The following SIDT2 variants were observed in gnomAD, a reference collection of about 807,000 sequenced individuals.
SIDT2 encodes SID1 transmembrane family, member 2.
In SIDT2, 68 loss-of-function variants were observed where a neutral mutation model predicts 114.4. The ratio of observed to expected loss-of-function variants is 0.59; its 90% CI spans 0.49 to 0.73. The LOEUF is 0.73. Among genes scored for constraint, SIDT2 ranks in the 30% least tolerant of loss-of-function variants. The pLI, the probability that SIDT2 is intolerant of heterozygous loss-of-function variation, is 0.00. For synonymous variants in SIDT2, 470 were observed against 438.4 expected, an observed-to-expected ratio of 1.07 and a Z score of -0.90; for missense variants, 918 against 1,097.1, an observed-to-expected ratio of 0.84 and a Z score of 2.31.
Position 117,192,034 on chromosome 11 carries a change from T to C in SIDT2, c.1872+20T>C. On this transcript the variant is annotated intron_variant, in intron 19 of 25. Coordinates refer to ENST00000324225, the MANE Select transcript of SIDT2 (RefSeq NM_001040455.2). This position sits in a 1 kb window ranked among gnomAD's most constrained non-coding sequence, Gnocchi z 5.9. ...GGCGTGGTGAGGGCCTGACCTGCTC[T>C]GCTCAGCCTGTATGATAGGAAAGGT... 1 of 1,613,834 alleles carries C rather than the reference T, an allele frequency of 6.2e-7. No individual in the cohort carries two copies.
At position 117,179,175 on chromosome 11, in the gene SIDT2, G is replaced by C; in HGVS notation, c.-89G>C. 3 of 1,309,666 alleles carry C rather than the reference G, an allele frequency of 2.3e-6. No homozygotes were observed. The highest frequency in any genetic ancestry group is 2.1e-6 in the Non-Finnish European group (2 of 952,566). 81.1% of individuals were successfully genotyped at this position (1,309,666 alleles called of 1,614,324 possible). On this transcript the variant is annotated 5_prime_UTR_variant, in exon 1 of 26. Coordinates refer to ENST00000324225, the MANE Select transcript of SIDT2 (RefSeq NM_001040455.2). ...TCCTGGTGAGATGCTGGAAGCTGCGGCCGCAGCCGCAACCCGTCCCGGAGG... is the reference window on the plus strand; with the variant it reads ...TCCTGGTGAGATGCTGGAAGCTGCGCCCGCAGCCGCAACCCGTCCCGGAGG...
rs748948210 is a variant in SIDT2 at position 117,195,944 on chromosome 11, G to A, written c.2436+29G>A. 157 of 1,614,116 alleles carry A rather than the reference G, an allele frequency of 9.7e-5. 1 individual carries two copies. The South Asian group carries it at 1.4e-3, about 14-fold the overall frequency. ...AGCGGGCCTCCCGGCCGAGCCGGGT[G>A]GGTACGTGAAGGTAGCAGCTGCCTC... On this transcript the variant is annotated intron_variant, in intron 25 of 25. Coordinates refer to ENST00000324225, the MANE Select transcript of SIDT2 (RefSeq NM_001040455.2).
intron 10 of SIDT2, chr11:117,186,934 C>A: frequency 6.7e-7 from 1 of 1,485,642 alleles, no homozygotes. Flanking sequence ...TTCTCTCTCT[C>A]TTCCACCCCT....
At position 117,190,299 on chromosome 11, in the gene SIDT2, C is replaced by T; in HGVS notation, c.1617+10C>T. The T allele has an allele frequency of 6.6e-7, 1 of 1,525,930 alleles. No individual in the cohort carries two copies. The highest frequency in any genetic ancestry group is 8.8e-7 in the Non-Finnish European group (1 of 1,138,358). 94.5% of individuals were successfully genotyped at this position (1,525,930 alleles called of 1,614,324 possible). ...TGACCTCTGTGCCCTGGTAAGGGAG[C>T]ACCTGCCTGCCTGCCGCAGCCTCAG... On this transcript the variant is annotated intron_variant, in intron 17 of 25. Transcript: ENST00000324225. The surrounding 1 kb of genome is among the most constrained non-coding windows in gnomAD (Gnocchi z 4.1).
intron 8 of SIDT2, among the ~76,000 whole-genome samples, chr11:117,185,114 A>G (rs1295672333): frequency 1.4e-5 from 2 of 147,818 alleles, no homozygotes; most frequent in East Asian, 2.0e-4. Context: ...CAGTGGCGCA[A>G]TCTCGGCTTA....
rs887378423 is a variant in SIDT2, at chr11:117,189,207, G to A, written c.1317G>A (p.Lys439=). 7 of 1,614,240 alleles carry A rather than the reference G, an allele frequency of 4.3e-6. No individual in the cohort carries two copies. Among genetic ancestry groups the A allele is most frequent in the African/African-American group, 2.7e-5 (2 of 75,068 alleles). ...LYVADLARKD[K]RVLRKKYQIY... is the part of the protein sequence containing the mutation. ...TGGCTGACCTGGCACGGAAGGACAAGCGTGTTCTGCGGAAAAAGTACCAGA... is the reference window on the plus strand; with the variant it reads ...TGGCTGACCTGGCACGGAAGGACAAACGTGTTCTGCGGAAAAAGTACCAGA... Residue 439 remains lysine, a synonymous_variant, in exon 14 of 26, where the codon AAG becomes AAA. Coordinates refer to ENST00000324225, the MANE Select transcript of SIDT2 (RefSeq NM_001040455.2).
At position 117,190,106 on chromosome 11, in the gene SIDT2, G is replaced by A; in HGVS notation, c.1494-60G>A. On this transcript the variant is annotated intron_variant, in intron 16 of 25. Coordinates refer to ENST00000324225, the MANE Select transcript of SIDT2 (RefSeq NM_001040455.2). This position sits in a 1 kb window ranked among gnomAD's most constrained non-coding sequence, Gnocchi z 4.1. ...CCTGGGGCTTTGCAATGCCCACGTG[G>A]GCTAGGGAAGAGGCCTGGGTGTGAG... The A allele has an allele frequency of 6.2e-7, 1 of 1,612,316 alleles. No individual in the cohort carries two copies. Among genetic ancestry groups the A allele is most frequent in the Non-Finnish European group, 8.5e-7 (1 of 1,178,822 alleles).
chr11:117,187,045 A>G lies in SIDT2; in HGVS notation c.1016-333A>G. 3 of 1,449,612 alleles carry G rather than the reference A, an allele frequency of 2.1e-6. No individual in the cohort carries two copies. In the South Asian group the frequency reaches 3.6e-5, roughly 18 times the overall value. The allele number at this position is 1,449,612 out of a possible 1,614,324, so 89.8% of individuals were successfully genotyped here. A position where few individuals can be genotyped will look rare whatever the true frequency, so the allele number is the denominator to read the frequency against. ...GGGCAGAGGAGCTGGAGTCCAGAGT[A>G]GGGGAGGGAGGGTGCAGCACAGGGC... is the stretch of plus-strand genomic sequence containing the variant. On this transcript the variant is annotated intron_variant, in intron 10 of 25. Transcript: ENST00000324225.
rs2030895746 is a variant in SIDT2 at position 117,196,332 on chromosome 11, G to A, written c.*266G>A. On this transcript the variant is annotated 3_prime_UTR_variant, in exon 26 of 26. Transcript: ENST00000324225. This position sits in a 1 kb window ranked among gnomAD's most constrained non-coding sequence, Gnocchi z 4.9. The stretch of plus-strand genomic sequence containing the variant: ...TTGCTGCTTTCTTCTCAGTGTTGGG[G>A]CCTTCCATGGGCCCCTGTCCTTTGG... 1.7e-5 allele frequency: 9 copies of A among 528,548 alleles called. No individual in the cohort carries two copies. In the South Asian group the frequency reaches 2.0e-4, roughly 12 times the overall value. The allele number at this position is 528,548 out of a possible 1,614,324, so 32.7% of individuals were successfully genotyped here.
rs922566711 is a variant in SIDT2, at chr11:117,192,051, A to G, written c.1872+37A>G. ...ACCTGCTCTGCTCAGCCTGTATGAT[A>G]GGAAAGGTGCACGTGCGTTCAGACA... On this transcript the variant is annotated intron_variant, in intron 19 of 25. Transcript: ENST00000324225. This position sits in a 1 kb window ranked among gnomAD's most constrained non-coding sequence, Gnocchi z 5.9. 5 of 1,612,384 alleles carry G rather than the reference A, an allele frequency of 3.1e-6. No individual in the cohort carries two copies. In the African/African-American group the frequency reaches 4.0e-5, roughly 13 times the overall value.
intron 7 of SIDT2, 93 bp downstream of exon 7, chr11:117,183,971 G>C (rs904854324): frequency 2.6e-6 from 4 of 1,513,810 alleles, no homozygotes; most frequent in Non-Finnish European, 3.7e-6. Context: ...TGGTGGACCT[G>C]ATAGGACATG....
chr11:117,192,864 G>A lies in SIDT2; in HGVS notation c.2103G>A (p.Ser701=), dbSNP rs761740442. 1.7e-5 allele frequency: 27 copies of A among 1,614,008 alleles called. No homozygotes were observed. The highest frequency in any genetic ancestry group is 4.5e-5 in the East Asian group (2 of 44,888). The change falls in exon 22 of 26, where the codon TCG becomes TCA. Residue 701 remains serine, a splice_region_variant and synonymous_variant. Coordinates refer to ENST00000324225, the MANE Select transcript of SIDT2 (RefSeq NM_001040455.2). This position sits in a 1 kb window ranked among gnomAD's most constrained non-coding sequence, Gnocchi z 5.9. The part of the protein sequence containing the change: ...LLVMGNVINW[S]LAAYGLIMRP... ...TCATGGGCAACGTCATCAACTGGTC[G>A]CTGTGAGTATGGTCAGCAGTAGTGG...
At position 117,188,020 on chromosome 11, in the gene SIDT2, G is replaced by T. The variant is rs2030565626; in HGVS notation, c.1159+321G>T. ...GCCTGCCGGCTCCGGTTGACTGCCG[G>T]CTGTGGGGCCAGAAAGATTCTATGT... On this transcript the variant is annotated intron_variant, in intron 12 of 25. Coordinates refer to ENST00000324225, the MANE Select transcript of SIDT2 (RefSeq NM_001040455.2). The surrounding 1 kb of genome is among the most constrained non-coding windows in gnomAD (Gnocchi z 4.0). 2 of 575,298 alleles carry T rather than the reference G, an allele frequency of 3.5e-6. No homozygotes were observed. Among genetic ancestry groups the T allele is most frequent in the South Asian group, 3.1e-5 (2 of 65,456 alleles). The allele number at this position is 575,298 out of a possible 1,614,324, so 35.6% of individuals were successfully genotyped here. A position where few individuals can be genotyped will look rare whatever the true frequency, so the allele number is the denominator to read the frequency against.
At chr11:117,182,223 T>C in intron 4 of SIDT2, 118 bp downstream of exon 4, 1 of 1,191,944 alleles carries the variant, frequency 8.4e-7, no homozygotes. Context: ...CATGGAGGGC[T>C]CTCTGGAAAC....
rs150890160 is a variant in SIDT2, at chr11:117,179,365, G to A, written c.102G>A (p.Glu34=). 6.2e-6 allele frequency: 10 copies of A among 1,614,080 alleles called. No individual in the cohort carries two copies. Among genetic ancestry groups the A allele is most frequent in the African/African-American group, 1.3e-5 (1 of 74,948 alleles). ...GPKNVSQKDA[E]FERTYVDEVN... ...AGAACGTCTCGCAGAAAGACGCCGA[G>A]TTTGAGCGCACCTACGTGGACGAGG... Residue 34 remains glutamate, a synonymous_variant, in exon 1 of 26, where the codon GAG becomes GAA. Transcript: ENST00000324225.
At position 117,190,509 on chromosome 11, in the gene SIDT2, A is replaced by G. The variant is rs2030661120; in HGVS notation, c.1618-114A>G. On this transcript the variant is annotated intron_variant, in intron 17 of 25. Coordinates refer to ENST00000324225, the MANE Select transcript of SIDT2 (RefSeq NM_001040455.2). This position sits in a 1 kb window ranked among gnomAD's most constrained non-coding sequence, Gnocchi z 4.1. Reference sequence around the variant, plus strand: ...GCCCACCCCTGCACACCCACACTCGACACATACCCCACCCCTTTTCCTCTT... The same window carrying G: ...GCCCACCCCTGCACACCCACACTCGGCACATACCCCACCCCTTTTCCTCTT... 1.1e-6 allele frequency: 1 copy of G among 951,020 alleles called. No individual in the cohort carries two copies. The highest frequency in any genetic ancestry group is 3.7e-5 in the East Asian group (1 of 26,740). The allele number at this position is 951,020 out of a possible 1,614,324, so 58.9% of individuals were successfully genotyped here.
intron 9 of SIDT2, 113 bp from the exon 10 acceptor site, chr11:117,186,471 G>A: frequency 8.9e-7 from 1 of 1,117,922 alleles, no homozygotes; most frequent in South Asian, 1.5e-5. Flanking sequence ...AAAGGGTGGA[G>A]GACAGGGTCA....
At chr11:117,180,202 C>T (rs12419178) in intron 1 of SIDT2, among the ~76,000 whole-genome samples, 14,828 of 152,186 alleles carry the variant, frequency 0.097, 997 homozygotes, top group African/African-American at 0.19. Flanking sequence ...CTGCCGTTTA[C>T]TGAGAAGCAA....
In SIDT2 at chr11:117,189,001, T is replaced by C. The variant is rs1407302237; in HGVS notation, c.1279-168T>C. 9 of 962,116 alleles carry C rather than the reference T, an allele frequency of 9.4e-6. No homozygotes were observed. The East Asian group carries it at 9.8e-5, about 10-fold the overall frequency. The allele number at this position is 962,116 out of a possible 1,614,324, so 59.6% of individuals were successfully genotyped here. ...TGACCTCCAACCCCTTCCGGCCTGA[T>C]TGGCCAAACCCTCTTGGTCTAAGCG... On this transcript the variant is annotated intron_variant, in intron 13 of 25. Coordinates refer to ENST00000324225, the MANE Select transcript of SIDT2 (RefSeq NM_001040455.2).
Sources: allele counts gnomAD v4.1 joint callset (sites outside exome capture counted in the v4.1 genomes callset), GRCh38; gene constraint gnomAD v4.1.1; non-coding constraint Gnocchi (gnomAD v3.1); transcripts MANE v1.5; gene names NCBI Gene and HGNC (gene_info 2026-07-23, HGNC 2026-07-21).